The following GSK3B variants were observed in gnomAD, a reference collection of about 807,000 sequenced individuals.
GSK3B encodes the protein glycogen synthase kinase-3 beta.
GSK3B carries 15 observed loss-of-function variants against 56.4 expected under a neutral mutation model. That is an observed-to-expected ratio of 0.27 (90% CI 0.18 to 0.41). The LOEUF (loss-of-function observed/expected upper bound fraction) is 0.41. Ranked by LOEUF, GSK3B falls within the 10% of genes least tolerant of loss-of-function variation. The pLI is 1.00. For synonymous variants in GSK3B, 181 were observed against 188.9 expected (o/e 0.96, Z 0.34); for missense variants, 300 against 513.4 (o/e 0.58, Z 4.02).
intron 2 of GSK3B, among the ~76,000 whole-genome samples, chr3:119,976,547 T>C (rs1375591493): frequency 1.3e-5 from 2 of 152,000 alleles, no homozygotes; most frequent in Non-Finnish European, 2.9e-5. Flanking sequence ...TTCCAGGGCC[T>C]GGGGGAAGGA....
At chr3:119,863,798 A>C (rs1020281068) in intron 8 of GSK3B, among the ~76,000 whole-genome samples, 193 bp from the exon 9 acceptor site, 19 of 152,304 alleles carry the variant, frequency 1.2e-4, no homozygotes, top group African/African-American at 4.3e-4. Context: ...TTATATGAGA[A>C]ATGCTCAGAG....
chr3:120,000,327 T>G (rs908934747), intron 2 of GSK3B, among the ~76,000 whole-genome samples: 6 of 152,160 alleles, frequency 3.9e-5, no homozygotes, highest in Non-Finnish European at 8.8e-5. Flanking sequence ...GCTTGACAAT[T>G]TGAGATAACA....
chr3:119,941,362 A>T (rs2057047391), intron 3 of GSK3B, among the ~76,000 whole-genome samples: 1 of 152,144 alleles, frequency 6.6e-6, no homozygotes, highest in Non-Finnish European at 1.5e-5. Context: ...TTGATAATTT[A>T]CTAAGATATT....
At chr3:119,878,307 A>G (rs1484277174) in intron 7 of GSK3B, among the ~76,000 whole-genome samples, 1 of 152,222 alleles carries the variant, frequency 6.6e-6, no homozygotes, top group African/African-American at 2.4e-5. Context: ...TCAGTAAAAG[A>G]TATGTACAGA....
rs565556946 is a variant in GSK3B, at chr3:119,840,198, T to A, written c.1195+3057A>T. 1.2e-4 allele frequency among the ~76,000 whole-genome samples: 18 copies of A among 149,734 alleles called. No individual in the cohort carries two copies. In the South Asian group the frequency reaches 1.3e-3, roughly 11 times the overall value. On this transcript the variant is annotated intron_variant, in intron 10 of 10. Coordinates refer to ENST00000264235, the MANE Select transcript of GSK3B (RefSeq NM_001146156.2). ...CAATCCTGCCCTCCACATGGCTTTT[T>A]AAAAAAAACATGTCTGATGCCGAGA... is the stretch of plus-strand genomic sequence containing the variant.
At chr3:119,997,258 G>C (rs1266903116) in intron 2 of GSK3B, among the ~76,000 whole-genome samples, 2 of 152,124 alleles carry the variant, frequency 1.3e-5, no homozygotes, top group African/African-American at 2.4e-5. Flanking sequence ...CAACGGAGGA[G>C]GCAGTGTTCA....
intron 1 of GSK3B, among the ~76,000 whole-genome samples, chr3:120,049,411 G>A (rs1201691931): frequency 6.6e-6 from 1 of 152,200 alleles, no homozygotes; most frequent in Non-Finnish European, 1.5e-5. Context: ...TAGAGGGTAT[G>A]AAGGAAGCAA....
intron 10 of GSK3B, among the ~76,000 whole-genome samples, chr3:119,830,142 A>G (rs1353780464): frequency 6.6e-6 from 1 of 152,256 alleles, no homozygotes; most frequent in East Asian, 1.9e-4. Context: ...TTACTGACTG[A>G]GTAAAGTTAC....
chr3:119,908,825 T>C (rs549285623), intron 6 of GSK3B, among the ~76,000 whole-genome samples: 56 of 152,320 alleles, frequency 3.7e-4, no homozygotes, highest in African/African-American at 1.3e-3. Context: ...ACATTTGTAC[T>C]GAGGGTACAA....
chr3:120,002,188 C>T lies in GSK3B; in HGVS notation c.140G>A (p.Gly47Asp), dbSNP rs200600198. Reference protein sequence around the residue: ...VTTVVATPGQGPDRPQEVSYT... With the variant: ...VTTVVATPGQDPDRPQEVSYT... ...GCTGACTTCTTGTGGCCTGTCTGGA[C>T]CCTGCCCAGGAGTTGCCACCACTGT... The change falls in exon 2 of 11, where the codon GGT (glycine) becomes GAT (aspartate). Residue 47 changes from glycine to aspartate, a missense_variant. Physicochemically the swap from Gly to Asp is moderately conservative, Grantham distance 94 (BLOSUM62 -1). Around this residue, in one of 6 missense-constraint regions of GSK3B, gnomAD observed 53 missense variants for 64.6 expected, o/e 0.82. Transcript: ENST00000264235. 6.2e-7 allele frequency: 1 copy of T among 1,604,150 alleles called. No homozygotes were observed. The highest frequency in any genetic ancestry group is 8.5e-7 in the Non-Finnish European group (1 of 1,176,100).
intron 2 of GSK3B, among the ~76,000 whole-genome samples, chr3:119,982,151 G>A (rs1032402870): frequency 6.6e-6 from 1 of 152,160 alleles, no homozygotes; most frequent in Admixed American, 6.5e-5. Flanking sequence ...CAAACAAACA[G>A]AAAGGAATAG....
chr3:119,901,272 A>C (rs1349680819), intron 7 of GSK3B, among the ~76,000 whole-genome samples: 1 of 152,172 alleles, frequency 6.6e-6, no homozygotes, highest in Non-Finnish European at 1.5e-5. Context: ...CCCTAATGGA[A>C]TTTGTCTTTT....
intron 5 of GSK3B, 79 bp downstream of exon 5, chr3:119,915,965 C>T: frequency 1.0e-6 from 1 of 978,144 alleles, no homozygotes; most frequent in East Asian, 2.6e-5. Flanking sequence ...GCTGATATTG[C>T]AAAAGGAATA....
intron 1 of GSK3B, among the ~76,000 whole-genome samples, chr3:120,012,793 C>T (rs1426929609): frequency 6.6e-6 from 1 of 152,188 alleles, no homozygotes; most frequent in Admixed American, 6.5e-5. Flanking sequence ...CCTGCCTCAG[C>T]TTCCCAAGTA....
chr3:119,875,448 TA>T (rs1353628796), intron 8 of GSK3B, among the ~76,000 whole-genome samples: 2 of 151,748 alleles, frequency 1.3e-5, no homozygotes, highest in African/African-American at 4.8e-5. Flanking sequence ...TAAAATACAG[TA>T]AGTCTCTCCT....
intron 1 of GSK3B, among the ~76,000 whole-genome samples, chr3:120,075,471 C>A (rs1191890393): frequency 6.6e-6 from 1 of 151,916 alleles, no homozygotes; most frequent in Non-Finnish European, 1.5e-5. Flanking sequence ...TGGCATGATC[C>A]CATATATAGA....
Position 120,002,114 on chromosome 3 carries a change from G to C in GSK3B, c.214C>G (p.Gln72Glu). The C allele has an allele frequency of 6.2e-7, 1 of 1,611,536 alleles. No homozygotes were observed. Among genetic ancestry groups the C allele is most frequent in the Non-Finnish European group, 8.5e-7 (1 of 1,178,824 alleles). Reference sequence around the variant, plus strand: ...TCTCCTGAATCACAAAGTTTGGCTTGATATACCACACCAAATGATCCATTT... The same window carrying C: ...TCTCCTGAATCACAAAGTTTGGCTTCATATACCACACCAAATGATCCATTT... ...IGNGSFGVVYQAKLCDSGELV... is the reference protein window; with the variant it reads ...IGNGSFGVVYEAKLCDSGELV... The change falls in exon 2 of 11, where the codon CAA (glutamine) becomes GAA (glutamate). Residue 72 changes from glutamine (Q) to glutamate (E), a missense_variant. Gln to Glu is a conservative substitution (Grantham distance 29). This residue lies in a region of GSK3B where 20 missense variants were observed against 59.1 expected (regional missense o/e 0.34). Transcript: ENST00000264235.
intron 2 of GSK3B, among the ~76,000 whole-genome samples, chr3:119,971,963 A>G (rs1387647614): frequency 6.6e-6 from 1 of 152,244 alleles, no homozygotes; most frequent in African/African-American, 2.4e-5. Flanking sequence ...TTTAAAAATT[A>G]AACTTATTTT....
intron 7 of GSK3B, among the ~76,000 whole-genome samples, chr3:119,896,041 C>A (rs551528327): frequency 6.7e-6 from 1 of 150,114 alleles, no homozygotes; most frequent in East Asian, 2.0e-4. Flanking sequence ...GGTGGGAGGA[C>A]AGCTTGAGCC....
Sources: gnomAD v4.1 joint callset for allele counts (sites outside exome capture counted in the v4.1 genomes callset) on GRCh38, gnomAD v4.1.1 for gene constraint, gnomAD v4.1.1 regional missense constraint, MANE v1.5 for transcripts, NCBI Gene and HGNC (gene_info 2026-07-23, HGNC 2026-07-21) for gene names.